The following SLC71A2 variants were observed in gnomAD, a reference collection of about 807,000 sequenced individuals.
SLC71A2 encodes the protein solute carrier family 71 member 2.
the SLC71A2 span, among the ~76,000 whole-genome samples, chr9:94,419,328 TC>T: frequency 6.7e-6 from 1 of 148,384 alleles, no homozygotes; most frequent in Non-Finnish European, 1.5e-5. Context: ...ACAGTCTCTC[TC>T]TGTTGCCCAG....
the SLC71A2 span, among the ~76,000 whole-genome samples, chr9:94,429,467 T>A: frequency 7.2e-5 from 11 of 152,210 alleles, no homozygotes; most frequent in African/African-American, 2.6e-4. Context: ...GTGTGAATAC[T>A]CTATAGGCCT....
the SLC71A2 span, among the ~76,000 whole-genome samples, chr9:94,443,151 T>C: frequency 6.6e-6 from 1 of 152,180 alleles, no homozygotes. Context: ...GAAGCGCCTG[T>C]GACTTAATTA....
chr9:94,450,493 C>CTTTTTTTTGTTTT, the SLC71A2 span, among the ~76,000 whole-genome samples: 1 of 102,026 alleles, frequency 9.8e-6, no homozygotes, highest in South Asian at 3.1e-4. Flanking sequence ...AATAATGTAA[C>CTTTTTTTTGTTTT]TTTTTTTTTT....
the SLC71A2 span, among the ~76,000 whole-genome samples, chr9:94,425,789 A>G: frequency 6.6e-6 from 1 of 152,094 alleles, no homozygotes; most frequent in Admixed American, 6.6e-5. Context: ...GGAAAGGGCT[A>G]TTACTGTCTT....
chr9:94,401,564 A>C, the SLC71A2 span, among the ~76,000 whole-genome samples: 1 of 151,652 alleles, frequency 6.6e-6, no homozygotes, highest in Non-Finnish European at 1.5e-5. Flanking sequence ...TTTCTTGTTG[A>C]CGATCGGGAT....
the SLC71A2 span, among the ~76,000 whole-genome samples, chr9:94,389,143 A>C: frequency 6.6e-6 from 1 of 151,784 alleles, no homozygotes; most frequent in African/African-American, 2.4e-5. Context: ...AATAGTTAGC[A>C]GCAGAGCCAG....
chr9:94,459,380 G>C, the SLC71A2 span: 4 of 1,614,030 alleles, frequency 2.5e-6, no homozygotes, highest in Non-Finnish European at 3.4e-6. Context: ...CTCTTCATTT[G>C]AGGAGCCTGG....
At chr9:94,433,232 T>C in the SLC71A2 span, 1 of 226,206 alleles carries the variant, frequency 4.4e-6, no homozygotes, top group Non-Finnish European at 9.1e-6. Context: ...CACTCTGGGC[T>C]TGCCCCCTCG....
the SLC71A2 span, among the ~76,000 whole-genome samples, chr9:94,447,183 C>CTT: frequency 5.0e-4 from 73 of 145,518 alleles, 1 homozygote; most frequent in African/African-American, 1.1e-3. Flanking sequence ...CATAATTTAT[C>CTT]TTTTTTTTTT....
the SLC71A2 span, among the ~76,000 whole-genome samples, chr9:94,399,113 G>C: frequency 2.0e-5 from 3 of 152,122 alleles, no homozygotes; most frequent in Non-Finnish European, 4.4e-5. Context: ...CATCGTGCCC[G>C]GCCGGCTCTT....
the SLC71A2 span, among the ~76,000 whole-genome samples, chr9:94,389,108 A>T: frequency 6.6e-6 from 1 of 151,504 alleles, no homozygotes; most frequent in Non-Finnish European, 1.5e-5. Context: ...AAGGCCAGAA[A>T]ATTGGTTAAA....
chr9:94,407,817 A>G, the SLC71A2 span, among the ~76,000 whole-genome samples: 1 of 152,182 alleles, frequency 6.6e-6, no homozygotes, highest in Non-Finnish European at 1.5e-5. Context: ...TCCTAAATGG[A>G]AAATTCCAGA....
At chr9:94,413,780 A>T in the SLC71A2 span, among the ~76,000 whole-genome samples, 2 of 151,966 alleles carry the variant, frequency 1.3e-5, no homozygotes, top group Non-Finnish European at 2.9e-5. Flanking sequence ...AGAGTTCTTC[A>T]CTGATTTCTC....
the SLC71A2 span, chr9:94,459,595 C>A: frequency 4.4e-6 from 2 of 457,432 alleles, no homozygotes; most frequent in Non-Finnish European, 3.8e-6. Context: ...CTCTTACATT[C>A]TTTTTTTTTT....
At chr9:94,447,028 A>C in the SLC71A2 span, 32 of 685,324 alleles carry the variant, frequency 4.7e-5, no homozygotes, top group Middle Eastern at 7.6e-4. Context: ...ACTGCAGAGG[A>C]AAAAACATGT....
the SLC71A2 span, among the ~76,000 whole-genome samples, chr9:94,405,267 G>A: frequency 6.4e-4 from 97 of 152,112 alleles, no homozygotes; most frequent in East Asian, 0.013. Flanking sequence ...AGGCTGAGGC[G>A]GGCAGATCAC....
chr9:94,441,067 C>T, the SLC71A2 span: 1 of 1,609,404 alleles, frequency 6.2e-7, no homozygotes, highest in African/African-American at 1.3e-5. Context: ...TGATGTCACT[C>T]AGGAGCACGA....
the SLC71A2 span, among the ~76,000 whole-genome samples, chr9:94,380,082 G>A: frequency 9.0e-4 from 137 of 152,148 alleles, 1 homozygote; most frequent in African/African-American, 3.1e-3. Flanking sequence ...CCTGGCTGAC[G>A]CGGTGAAACC....
the SLC71A2 span, among the ~76,000 whole-genome samples, chr9:94,379,089 C>CTTTTTTTTTTTTTTTTTTTTTTT: frequency 2.4e-5 from 2 of 84,104 alleles, no homozygotes; most frequent in African/African-American, 9.0e-5. Context: ...TGTGCATTTC[C>CTTTTTTTTTTTTTTTTTTTTTTT]TTTTTTTTTT....
Sources: allele counts gnomAD v4.1 joint callset (sites outside exome capture counted in the v4.1 genomes callset), GRCh38; gene constraint gnomAD v4.1.1; transcripts MANE v1.5; gene names NCBI Gene and HGNC (gene_info 2026-07-23, HGNC 2026-07-21).